The following FKBP5 variants were observed in gnomAD, a reference collection of about 807,000 sequenced individuals.
FKBP5 encodes the protein FKBP prolyl isomerase 5.
A neutral mutation model predicts 50.5 loss-of-function variants in FKBP5; 23 were observed. That is an observed-to-expected ratio of 0.46 (90% CI 0.33 to 0.65). The LOEUF is 0.65. Among genes scored for constraint, FKBP5 ranks in the 30% least tolerant of loss-of-function variants. FKBP5 has a pLI of 0.02. For synonymous variants in FKBP5, 176 were observed against 190.6 expected (o/e 0.92, Z 0.63); for missense variants, 411 against 553.1 (o/e 0.74, Z 2.58).
At chr6:35,649,739 G>A (rs987250782) in intron 1 of FKBP5, among the ~76,000 whole-genome samples, 1 of 152,066 alleles carries the variant, frequency 6.6e-6, no homozygotes, top group Non-Finnish European at 1.5e-5. Context: ...AACCAGACAG[G>A]CTTAAATGCA....
At chr6:35,705,509 C>A (rs967357118) in intron 2 of FKBP5, among the ~76,000 whole-genome samples, 1 of 151,614 alleles carries the variant, frequency 6.6e-6, no homozygotes, top group Non-Finnish European at 1.5e-5. Flanking sequence ...TCATGATCTG[C>A]CCACTTCGGC....
chr6:35,622,170 T>A (rs1763864132), intron 3 of FKBP5, among the ~76,000 whole-genome samples: 2 of 152,190 alleles, frequency 1.3e-5, no homozygotes, highest in African/African-American at 2.4e-5. Context: ...CTTCATTAAA[T>A]ATTACAACTT....
At chr6:35,673,877 G>C (rs1224791987) in intron 1 of FKBP5, among the ~76,000 whole-genome samples, 4 of 152,154 alleles carry the variant, frequency 2.6e-5, no homozygotes, top group African/African-American at 9.7e-5. Context: ...ACTGAGATGA[G>C]AGTATAAAAC....
chr6:35,672,696 C>T (rs1399584267), intron 1 of FKBP5, among the ~76,000 whole-genome samples: 24 of 151,414 alleles, frequency 1.6e-4, no homozygotes, highest in Admixed American at 9.9e-4. Flanking sequence ...GAGGCTGAGG[C>T]GGGCGGATCA....
intron 6 of FKBP5, 138 bp downstream of exon 6, chr6:35,597,110 T>G: frequency 1.1e-6 from 1 of 879,074 alleles, no homozygotes. Flanking sequence ...ATTTACGTGA[T>G]GACTAACTGC....
intron 3 of FKBP5, among the ~76,000 whole-genome samples, chr6:35,632,193 A>T (rs2150984302): frequency 6.6e-6 from 1 of 152,278 alleles, no homozygotes; most frequent in South Asian, 2.1e-4. Flanking sequence ...AGTAAGAGAA[A>T]TCATCACCTC....
At chr6:35,634,000 A>T (rs1383816103) in intron 3 of FKBP5, among the ~76,000 whole-genome samples, 1 of 152,124 alleles carries the variant, frequency 6.6e-6, no homozygotes, top group Non-Finnish European at 1.5e-5. Context: ...CTTGTATTTA[A>T]AAAAAATAAC....
At chr6:35,708,044 A>G (rs190595769) in intron 2 of FKBP5, among the ~76,000 whole-genome samples, 118 of 152,330 alleles carry the variant, frequency 7.7e-4, no homozygotes, top group African/African-American at 2.6e-3. Context: ...GCAAAGATTG[A>G]TGAAACTTCT....
In FKBP5 at chr6:35,676,817, T is replaced by A. The variant is rs1765532913; in HGVS notation, c.-20+11987A>T. 2.6e-5 allele frequency among the ~76,000 whole-genome samples: 4 copies of A among 152,136 alleles called. No individual in the cohort carries two copies. The South Asian group carries it at 8.3e-4, about 31-fold the overall frequency. ...GGCAGAAATAAGAAAGAAATCTCCATAAACTGACCAAAAACAAGTAAAAAC... is the reference window on the plus strand; with the variant it reads ...GGCAGAAATAAGAAAGAAATCTCCAAAAACTGACCAAAAACAAGTAAAAAC... On this transcript the variant is annotated intron_variant, in intron 1 of 10. Coordinates refer to ENST00000357266, the MANE Select transcript of FKBP5 (RefSeq NM_004117.4).
intron 1 of FKBP5, among the ~76,000 whole-genome samples, chr6:35,657,988 TG>T (rs760792420): frequency 2.9e-4 from 44 of 151,732 alleles, no homozygotes; most frequent in Non-Finnish European, 6.0e-4. Context: ...CCCAGCACTT[TG>T]GGAGGCTGAG....
At position 35,620,085 on chromosome 6, in the gene FKBP5, C is replaced by T. The variant is rs755341717; in HGVS notation, c.393+47G>A. ...ACTGCCTGTTGCTTCAAAGCCATTC[C>T]TATTGTAGAGCAGATGCTGACAAGG... On this transcript the variant is annotated intron_variant, in intron 4 of 10. Transcript: ENST00000357266. 11 of 1,611,626 alleles carry T rather than the reference C, an allele frequency of 6.8e-6. No homozygotes were observed. The East Asian group carries it at 2.5e-4, about 36-fold the overall frequency.
intron 5 of FKBP5, among the ~76,000 whole-genome samples, chr6:35,617,776 C>G (rs1338231152): frequency 6.6e-6 from 1 of 152,128 alleles, no homozygotes; most frequent in East Asian, 1.9e-4. Flanking sequence ...GAGAAATGGG[C>G]AAATACTGAT....
chr6:35,708,722 G>A (rs981680858), intron 2 of FKBP5, among the ~76,000 whole-genome samples: 3 of 152,040 alleles, frequency 2.0e-5, no homozygotes, highest in Non-Finnish European at 4.4e-5. Context: ...AGCCTCCTTT[G>A]CTGGTAGGTG....
At chr6:35,727,961 G>A (rs1766753155) in intron 1 of FKBP5, among the ~76,000 whole-genome samples, 5 of 152,208 alleles carry the variant, frequency 3.3e-5, no homozygotes, top group Admixed American at 3.3e-4. Flanking sequence ...GGGCCCACGC[G>A]CGCCCCGGAG....
In FKBP5 at chr6:35,602,122, T is replaced by C. The variant is rs541669947; in HGVS notation, c.509-4718A>G. Reference sequence around the variant, plus strand: ...GAATGTGGCTGGCACATGAACTCGATGTGCTGACAGCAATTTGTACTCCGA... The same window carrying C: ...GAATGTGGCTGGCACATGAACTCGACGTGCTGACAGCAATTTGTACTCCGA... On this transcript the variant is annotated intron_variant, in intron 5 of 10. Transcript: ENST00000357266. 5.9e-5 allele frequency among the ~76,000 whole-genome samples: 9 copies of C among 152,120 alleles called. No homozygotes were observed. The South Asian group carries it at 1.9e-3, about 32-fold the overall frequency.
chr6:35,646,843 GCAAAC>G (rs1417090445), intron 1 of FKBP5, among the ~76,000 whole-genome samples: 22 of 152,174 alleles, frequency 1.4e-4, no homozygotes, highest in African/African-American at 5.1e-4. Context: ...GTGCTAGTCA[GCAAAC>G]ACCTGAGACA....
Position 35,581,949 on chromosome 6 carries a change from G to C in FKBP5, c.841-1728C>G, listed in dbSNP as rs566707163. The C allele has an allele frequency of 2.1e-5, 21 of 985,482 alleles. No individual in the cohort carries two copies. The South Asian group carries it at 8.5e-4, about 40-fold the overall frequency. 61.0% of individuals were successfully genotyped at this position (985,482 alleles called of 1,614,324 possible). ...CCTCACCCAAGGAGTCTGAGTAAGA[G>C]AAAAACCATAGAGCAGGTCTAAGAG... is the stretch of plus-strand genomic sequence containing the variant. On this transcript the variant is annotated intron_variant, in intron 8 of 10. Transcript: ENST00000357266.
chr6:35,612,459 GT>G (rs1763519926), intron 5 of FKBP5, among the ~76,000 whole-genome samples: 1 of 152,162 alleles, frequency 6.6e-6, no homozygotes, highest in Non-Finnish European at 1.5e-5. Context: ...AAACAAATTA[GT>G]GAAACACAAT....
At chr6:35,632,617 C>T (rs375562407) in intron 3 of FKBP5, among the ~76,000 whole-genome samples, 1 of 151,942 alleles carries the variant, frequency 6.6e-6, no homozygotes, top group East Asian at 1.9e-4. Context: ...TAGCCAGGCG[C>T]GGTAGCTCAT....
Sources: gnomAD v4.1 joint callset for allele counts (sites outside exome capture counted in the v4.1 genomes callset) on GRCh38, gnomAD v4.1.1 for gene constraint, MANE v1.5 for transcripts, NCBI Gene and HGNC (gene_info 2026-07-23, HGNC 2026-07-21) for gene names.